RB1: variants seen among roughly 807,000 people sequenced by gnomAD.
The protein encoded by RB1 is RB transcriptional corepressor 1, also known as retinoblastoma-associated protein.
A neutral mutation model predicts 135.4 loss-of-function variants in RB1; 18 were observed. The observed-to-expected ratio is 0.13, with a 90% confidence interval of 0.09 to 0.20. The LOEUF is 0.20. RB1 is among the 10% of genes least tolerant of loss of function. The pLI, the probability that RB1 is intolerant of heterozygous loss-of-function variation, is 1.00. For missense variants in RB1, 868 were observed against 1,110.0 expected (o/e 0.78, Z 3.10); for synonymous variants, 365 against 373.2 (o/e 0.98, Z 0.25).
chr13:48,322,136 A>G (rs1566180076), intron 2 of RB1, among the ~76,000 whole-genome samples: 1 of 152,172 alleles, frequency 6.6e-6, no homozygotes, highest in Non-Finnish European at 1.5e-5. Context: ...GATTCCACAT[A>G]TAAATGAGAT....
chr13:48,350,582 T>TA (rs1952539057), intron 6 of RB1, among the ~76,000 whole-genome samples: 2 of 152,098 alleles, frequency 1.3e-5, no homozygotes, highest in African/African-American at 2.4e-5. Flanking sequence ...CATCTTTTTT[T>TA]AAAAAAACTT....
At chr13:48,311,384 G>A (rs997397011) in intron 2 of RB1, among the ~76,000 whole-genome samples, 1 of 152,174 alleles carries the variant, frequency 6.6e-6, no homozygotes, top group African/African-American at 2.4e-5. Context: ...ATCATTAGGT[G>A]ATTTCATCGT....
intron 12 of RB1, among the ~76,000 whole-genome samples, chr13:48,375,259 A>G (rs1479526259): frequency 6.6e-6 from 1 of 152,190 alleles, no homozygotes; most frequent in Non-Finnish European, 1.5e-5. Flanking sequence ...TATGTAGATG[A>G]TAAGTTGCAT....
intron 2 of RB1, among the ~76,000 whole-genome samples, chr13:48,327,135 G>A (rs1201304669): frequency 2.0e-5 from 3 of 151,804 alleles, no homozygotes; most frequent in African/African-American, 4.8e-5. Flanking sequence ...CTTGGACAAA[G>A]TTACAGAAAG....
intron 17 of RB1, chr13:48,412,671 A>G (rs1454837087): frequency 1.9e-6 from 1 of 536,690 alleles, no homozygotes; most frequent in African/African-American, 1.9e-5. Flanking sequence ...AAATCCATGA[A>G]TTCCAAGGCT....
At chr13:48,417,464 A>G (rs1948931791) in intron 17 of RB1, 1 of 152,234 alleles carries the variant, frequency 6.6e-6, no homozygotes, top group African/African-American at 2.4e-5. Context: ...ATCCATGAAG[A>G]TGAGGAAAAA....
In RB1 at chr13:48,465,301, C is replaced by T. The variant is rs2138345937; in HGVS notation, c.2422C>T (p.Pro808Ser). ...TCCTGGAGGGAACATCTATATTTCA[C>T]CCCTGAAGAGTCCATATAAAATTTC... ...RIPGGNIYIS[P>S]LKSPYKISEG... The change falls in exon 23 of 27, where the codon CCC becomes TCC. Residue 808 changes from proline to serine, a missense_variant. By Grantham distance (74) the Pro-to-Ser change is moderately conservative. This residue lies in a region of RB1 where 196 missense variants were observed against 239.8 expected (regional missense o/e 0.82). Transcript: ENST00000267163. 6.2e-7 allele frequency: 1 copy of T among 1,611,238 alleles called. No individual in the cohort carries two copies. Among genetic ancestry groups the T allele is most frequent in the Non-Finnish European group, 8.5e-7 (1 of 1,177,426 alleles).
intron 18 of RB1, among the ~76,000 whole-genome samples, chr13:48,454,533 C>A (rs527553492): frequency 4.2e-4 from 64 of 152,112 alleles, no homozygotes; most frequent in Non-Finnish European, 7.8e-4. Context: ...GTAAGATGGC[C>A]TGGGTCCTTC....
chr13:48,325,828 T>C (rs1952282918), intron 2 of RB1, among the ~76,000 whole-genome samples: 1 of 152,142 alleles, frequency 6.6e-6, no homozygotes, highest in East Asian at 1.9e-4. Flanking sequence ...CATGCACAAA[T>C]GAGAGTACTT....
intron 17 of RB1, among the ~76,000 whole-genome samples, chr13:48,425,693 G>GA (rs143703157): frequency 0.044 from 6,601 of 149,362 alleles, 354 homozygotes; most frequent in African/African-American, 0.13. Context: ...ACTCTTAAAG[G>GA]AAAAAAAAAA....
intron 12 of RB1, among the ~76,000 whole-genome samples, chr13:48,374,643 C>G (rs1222932289): frequency 6.6e-6 from 1 of 151,348 alleles, no homozygotes; most frequent in African/African-American, 2.4e-5. Context: ...AACATATGTA[C>G]CCCAATTACC....
chr13:48,327,141 G>C (rs1421366587), intron 2 of RB1, among the ~76,000 whole-genome samples: 1 of 151,900 alleles, frequency 6.6e-6, no homozygotes, highest in Non-Finnish European at 1.5e-5. Context: ...CAAAGTTACA[G>C]AAAGTGCATC....
At chr13:48,388,549 T>A (rs74075996) in intron 17 of RB1, among the ~76,000 whole-genome samples, 1,670 of 152,214 alleles carry the variant, frequency 0.011, 27 homozygotes, top group African/African-American at 0.037. Flanking sequence ...TTACCCTAGA[T>A]CAGGAAATGA....
At chr13:48,412,492 T>C in intron 17 of RB1, 1 of 990,262 alleles carries the variant, frequency 1.0e-6, no homozygotes, top group East Asian at 2.4e-5. Flanking sequence ...GGGATTCAGA[T>C]TATAACCTCT....
At chr13:48,418,064 C>A (rs1948943484) in intron 17 of RB1, among the ~76,000 whole-genome samples, 1 of 152,050 alleles carries the variant, frequency 6.6e-6, no homozygotes, top group South Asian at 2.1e-4. Context: ...AGAGCAACCC[C>A]AAGACACATA....
At chr13:48,389,257 AG>A (rs1948594256) in intron 17 of RB1, among the ~76,000 whole-genome samples, 1 of 152,144 alleles carries the variant, frequency 6.6e-6, no homozygotes, top group Non-Finnish European at 1.5e-5. Flanking sequence ...TTGCTCACTC[AG>A]ACTTTTCAGA....
chr13:48,327,522 T>G (rs1360391749), intron 2 of RB1, among the ~76,000 whole-genome samples: 3 of 152,334 alleles, frequency 2.0e-5, no homozygotes, highest in South Asian at 2.1e-4. Flanking sequence ...TATCCACTGA[T>G]AGCAATGCAA....
chr13:48,326,002 A>T (rs1593425568), intron 2 of RB1, among the ~76,000 whole-genome samples: 1 of 152,028 alleles, frequency 6.6e-6, no homozygotes, highest in Non-Finnish European at 1.5e-5. Context: ...TAATACTGTA[A>T]CCTGCCCCTA....
intron 8 of RB1, 83 bp from the exon 9 acceptor site, chr13:48,364,811 A>G: frequency 6.8e-7 from 1 of 1,470,240 alleles, no homozygotes. Context: ...GACACCTCTA[A>G]CTTACCCTGC....
Sources: gnomAD v4.1 joint callset for allele counts (sites outside exome capture counted in the v4.1 genomes callset) on GRCh38, gnomAD v4.1.1 for gene constraint, gnomAD v4.1.1 regional missense constraint, MANE v1.5 for transcripts, NCBI Gene and HGNC (gene_info 2026-07-23, HGNC 2026-07-21) for gene names.